Variants in CCDC63 observed in about 807,000 individuals in gnomAD.
CCDC63 encodes coiled-coil domain containing 63, also known as coiled-coil domain-containing protein 63.
A neutral mutation model predicts 63.6 loss-of-function variants in CCDC63; 54 were observed. That is an observed-to-expected ratio of 0.85 (90% CI 0.68 to 1.07). The LOEUF is 1.07. Among genes scored for constraint, CCDC63 ranks in the 50% least tolerant of loss-of-function variants. CCDC63 has a pLI of 0.00. For synonymous variants in CCDC63, 253 were observed against 266.1 expected (o/e 0.95, Z 0.48); for missense variants, 637 against 689.6 (o/e 0.92, Z 0.86).
intron 2 of CCDC63, 110 bp from the exon 3 acceptor site, chr12:110,853,295 T>A: frequency 1.8e-6 from 2 of 1,108,406 alleles, no homozygotes; most frequent in Non-Finnish European, 2.6e-6. Context: ...GGTCTTCCAC[T>A]TCTAGCCATG....
At chr12:110,849,714 G>T (rs952634103) in intron 1 of CCDC63, among the ~76,000 whole-genome samples, 18 of 152,032 alleles carry the variant, frequency 1.2e-4, no homozygotes, top group African/African-American at 4.1e-4. Context: ...GGCCAGGCTG[G>T]TCTCAGTCTC....
At chr12:110,882,364 A>T (rs1469208260) in intron 7 of CCDC63, among the ~76,000 whole-genome samples, 1 of 152,090 alleles carries the variant, frequency 6.6e-6, no homozygotes, top group Admixed American at 6.6e-5. Flanking sequence ...ATAAAAAAAA[A>T]TTAGTTGGGC....
At chr12:110,878,259 T>C (rs2071157297) in intron 5 of CCDC63, among the ~76,000 whole-genome samples, 3 of 152,172 alleles carry the variant, frequency 2.0e-5, no homozygotes, top group Non-Finnish European at 4.4e-5. Context: ...TACATACATA[T>C]ACACATACAT....
intron 8 of CCDC63, among the ~76,000 whole-genome samples, chr12:110,884,852 ATT>A (rs34391026): frequency 0.24 from 31,292 of 130,556 alleles, 3,757 homozygotes; most frequent in Non-Finnish European, 0.29. Flanking sequence ...ACGCCCTGCT[ATT>A]TTTTTTTTTT....
intron 3 of CCDC63, among the ~76,000 whole-genome samples, chr12:110,857,487 C>T (rs1471113470): frequency 6.6e-6 from 1 of 152,082 alleles, no homozygotes; most frequent in Non-Finnish European, 1.5e-5. Flanking sequence ...TCTGGACACT[C>T]GATCCTGTAA....
chr12:110,858,879 C>A, intron 4 of CCDC63, 104 bp downstream of exon 4: 1 of 940,654 alleles, frequency 1.1e-6, no homozygotes, highest in Non-Finnish European at 1.6e-6. Flanking sequence ...CCCTGTATCA[C>A]AGTATCTCCT....
chr12:110,890,491 C>T (rs765818887), intron 8 of CCDC63, among the ~76,000 whole-genome samples: 1 of 151,844 alleles, frequency 6.6e-6, no homozygotes, highest in South Asian at 2.1e-4. Flanking sequence ...TATTATACAC[C>T]TGTGGGAAAG....
intron 9 of CCDC63, among the ~76,000 whole-genome samples, chr12:110,897,430 TA>T (rs1240810984): frequency 3.3e-5 from 5 of 149,880 alleles, no homozygotes; most frequent in African/African-American, 7.4e-5. Flanking sequence ...TCTACAAAAT[TA>T]AAAAAAAACC....
chr12:110,879,819 AGACCT>A, intron 5 of CCDC63, 82 bp from the exon 6 acceptor site: 4 of 1,325,834 alleles, frequency 3.0e-6, no homozygotes, highest in Non-Finnish European at 4.2e-6. Flanking sequence ...GGTGGGGCAA[AGACCT>A]GACAGCCTTC....
At chr12:110,879,831 C>T in intron 5 of CCDC63, 75 bp from the exon 6 acceptor site, 2 of 1,459,380 alleles carry the variant, frequency 1.4e-6, no homozygotes, top group Admixed American at 1.8e-5. Flanking sequence ...ACCTGACAGC[C>T]TTCCAGGTGC....
Position 110,881,163 on chromosome 12 carries a change from G to T in CCDC63, c.720G>T (p.Lys240Asn). The T allele has an allele frequency of 6.2e-7, 1 of 1,612,936 alleles. No homozygotes were observed. Residue 240 changes from lysine to asparagine, a missense_variant, in exon 7 of 12, where the codon AAG becomes AAT. Transcript: ENST00000308208. ...RMAAMKDRQK[K>N]DTSQYNLEIR... ...CTGCCATGAAAGACCGCCAGAAGAAGGACACCTCTCAGTACAACCTGGAGA... is the reference window on the plus strand; with the variant it reads ...CTGCCATGAAAGACCGCCAGAAGAATGACACCTCTCAGTACAACCTGGAGA...
chr12:110,848,579 C>T (rs2070668305), intron 1 of CCDC63, among the ~76,000 whole-genome samples: 1 of 152,172 alleles, frequency 6.6e-6, no homozygotes, highest in Admixed American at 6.6e-5. Context: ...GTGCATAACC[C>T]AGCCAATGAT....
At chr12:110,882,944 C>A (rs1045864365) in intron 7 of CCDC63, among the ~76,000 whole-genome samples, 3 of 152,066 alleles carry the variant, frequency 2.0e-5, no homozygotes, top group Admixed American at 6.6e-5. Flanking sequence ...CTCACTTCAG[C>A]CTTGACCTCT....
intron 4 of CCDC63, among the ~76,000 whole-genome samples, chr12:110,865,464 C>CAAAAAAAAAAAAAAAA (rs10585238): frequency 7.6e-4 from 78 of 102,076 alleles, no homozygotes; most frequent in East Asian, 1.3e-3. Context: ...CAGCATATAC[C>CAAAAAAAAAAAAAAAA]AAAAAAAAAA....
At chr12:110,873,151 G>A (rs1173112657) in intron 4 of CCDC63, among the ~76,000 whole-genome samples, 4 of 152,184 alleles carry the variant, frequency 2.6e-5, no homozygotes, top group East Asian at 1.9e-4. Context: ...TAGGAGAATC[G>A]CTTGAACCTG....
intron 5 of CCDC63, among the ~76,000 whole-genome samples, chr12:110,878,085 T>G (rs965385280): frequency 6.6e-6 from 1 of 152,194 alleles, no homozygotes; most frequent in East Asian, 1.9e-4. Context: ...TTATTTCACT[T>G]AGCGTAATGT....
intron 3 of CCDC63, among the ~76,000 whole-genome samples, chr12:110,855,176 T>A (rs1055330375): frequency 1.2e-4 from 19 of 152,214 alleles, no homozygotes; most frequent in African/African-American, 4.1e-4. Flanking sequence ...TGAATTTTTT[T>A]AAAAGGTACA....
chr12:110,905,439 C>A (rs2071547596), intron 11 of CCDC63, among the ~76,000 whole-genome samples: 1 of 152,120 alleles, frequency 6.6e-6, no homozygotes, highest in South Asian at 2.1e-4. Context: ...ACCTCACCTG[C>A]TTTTTGGAGA....
Position 110,899,142 on chromosome 12 carries a change from C to A in CCDC63, c.1342+17C>A. On this transcript the variant is annotated intron_variant, in intron 10 of 11. Transcript: ENST00000308208. ...AGTATTTTGGTGAGTCAAGCTGGGGCCCGTTGGAGTCTTAGGAAACATTTC... is the reference window on the plus strand; with the variant it reads ...AGTATTTTGGTGAGTCAAGCTGGGGACCGTTGGAGTCTTAGGAAACATTTC... 1 of 1,597,896 alleles carries A rather than the reference C, an allele frequency of 6.3e-7. No homozygotes were observed. The highest frequency in any genetic ancestry group is 1.1e-5 in the South Asian group (1 of 88,882).
Sources: gnomAD v4.1 joint callset for allele counts (sites outside exome capture counted in the v4.1 genomes callset) on GRCh38, gnomAD v4.1.1 for gene constraint, MANE v1.5 for transcripts, NCBI Gene and HGNC (gene_info 2026-07-23, HGNC 2026-07-21) for gene names.